The following ATP10A variants were observed in gnomAD, a reference collection of about 807,000 sequenced individuals.
ATP10A encodes the protein ATPase phospholipid transporting 10A (putative), also known as phospholipid-transporting ATPase VA.
A neutral mutation model predicts 147.8 loss-of-function variants in ATP10A; 111 were observed. The observed-to-expected ratio is 0.75, with a 90% CI of 0.64 to 0.88. The LOEUF (loss-of-function observed/expected upper bound fraction) is 0.88, where lower values mean the gene tolerates loss of function less well. ATP10A is among the 40% of genes least tolerant of loss of function. The pLI is 0.00. For missense variants in ATP10A, 1,927 were observed against 1,959.0 expected, an observed-to-expected ratio of 0.98 and a Z score of 0.31; for synonymous variants, 875 against 841.6, an observed-to-expected ratio of 1.04 and a Z score of -0.69.
intron 1 of ATP10A, among the ~76,000 whole-genome samples, chr15:25,795,274 A>G (rs1333687371): frequency 2.0e-5 from 3 of 152,060 alleles, no homozygotes; most frequent in Admixed American, 2.0e-4. Flanking sequence ...AGCCCACAGG[A>G]CACCACCGTC....
chr15:25,723,078 G>A (rs1902340015), intron 6 of ATP10A, among the ~76,000 whole-genome samples: 1 of 152,210 alleles, frequency 6.6e-6, no homozygotes, highest in Admixed American at 6.5e-5. Context: ...GCCGGGTGCA[G>A]TGGCTCATGC....
At chr15:25,770,839 A>G (rs1412159945) in intron 2 of ATP10A, among the ~76,000 whole-genome samples, 1 of 152,112 alleles carries the variant, frequency 6.6e-6, no homozygotes, top group Non-Finnish European at 1.5e-5. Context: ...GTGCCTGAGT[A>G]TGTGTGCTGA....
At chr15:25,779,691 C>A (rs1889800413) in intron 2 of ATP10A, among the ~76,000 whole-genome samples, 1 of 152,210 alleles carries the variant, frequency 6.6e-6, no homozygotes, top group Non-Finnish European at 1.5e-5. Context: ...CCTCGAGGGG[C>A]CCCTAACTCT....
Position 25,781,240 on chromosome 15 carries a change from G to A in ATP10A, c.450-17C>T. The A allele has an allele frequency of 6.2e-7, 1 of 1,600,870 alleles. No individual in the cohort carries two copies. On this transcript the variant is annotated splice_polypyrimidine_tract_variant and intron_variant, in intron 1 of 20. Transcript: ENST00000555815. ...TTTTCTTCCCTAGAAAACAGATTTT[G>A]ATTAACAAAACTCACGAGACATTGG...
chr15:25,862,512 G>A lies in ATP10A; in HGVS notation c.449+136C>T, dbSNP rs1028610137. 1.5e-4 allele frequency: 161 copies of A among 1,099,274 alleles called. 1 individual carries two copies. The East Asian group carries it at 4.0e-3, about 27-fold the overall frequency. 68.1% of individuals were successfully genotyped at this position (1,099,274 alleles called of 1,614,324 possible). A position where few individuals can be genotyped will look rare whatever the true frequency, so the allele number is the denominator to read the frequency against. On this transcript the variant is annotated intron_variant, in intron 1 of 20. Transcript: ENST00000555815. Reference sequence around the variant, plus strand: ...GGCTTCGGTCGGCACCGGGTCCCGCGCAGCCGGGCCCTCCACCCTGAGTGG... The same window carrying A: ...GGCTTCGGTCGGCACCGGGTCCCGCACAGCCGGGCCCTCCACCCTGAGTGG...
intron 1 of ATP10A, among the ~76,000 whole-genome samples, chr15:25,854,322 T>A (rs1232577854): frequency 1.3e-5 from 2 of 152,052 alleles, no homozygotes; most frequent in African/African-American, 4.8e-5. Context: ...ATCCCCAGAA[T>A]AAAACAAATT....
chr15:25,680,936 G>T, intron 18 of ATP10A, 22 bp from the exon 19 acceptor site: 1 of 1,613,454 alleles, frequency 6.2e-7, no homozygotes, highest in African/African-American at 1.3e-5. Flanking sequence ...TGGGGTCCTG[G>T]ATCTGTAGGT....
chr15:25,727,109 G>A (rs775531023), intron 4 of ATP10A, 51 bp downstream of exon 4: 74 of 1,347,128 alleles, frequency 5.5e-5, no homozygotes, highest in Non-Finnish European at 1.2e-5. Context: ...GGGAAGTGCT[G>A]GAGAACACAG....
intron 7 of ATP10A, among the ~76,000 whole-genome samples, chr15:25,720,841 G>T (rs1299058510): frequency 1.3e-5 from 2 of 152,184 alleles, no homozygotes; most frequent in Non-Finnish European, 2.9e-5. Context: ...AACAACAGAT[G>T]CTTCCCACCA....
At chr15:25,773,729 C>T (rs1889458735) in intron 2 of ATP10A, among the ~76,000 whole-genome samples, 2 of 152,114 alleles carry the variant, frequency 1.3e-5, no homozygotes, top group African/African-American at 4.8e-5. Flanking sequence ...TTCTTTGGAA[C>T]ATACACTTAC....
chr15:25,821,598 G>T (rs1481861081), intron 1 of ATP10A, among the ~76,000 whole-genome samples: 1 of 152,134 alleles, frequency 6.6e-6, no homozygotes, highest in African/African-American at 2.4e-5. Flanking sequence ...ATCCAATTTT[G>T]GAAGGGGTTT....
chr15:25,695,515 G>A (rs1470513177), intron 13 of ATP10A, among the ~76,000 whole-genome samples: 6 of 152,142 alleles, frequency 3.9e-5, no homozygotes, highest in Admixed American at 3.9e-4. Context: ...TGTAGTCCCA[G>A]CTACTCGGGA....
rs369182589 is a variant in ATP10A at position 25,832,412 on chromosome 15, G to A, written c.449+30236C>T. ...CTCATTTCAGCAAAGGCAGCTGCCT[G>A]TGAGTGTGCCGGGCAAGGCAAAGTC... On this transcript the variant is annotated intron_variant, in intron 1 of 20. Coordinates refer to ENST00000555815, the MANE Select transcript of ATP10A (RefSeq NM_024490.4). Among the ~76,000 whole-genome samples, 21 of 152,348 alleles carry A rather than the reference G, an allele frequency of 1.4e-4. No homozygotes were observed. The East Asian group carries it at 1.9e-3, about 14-fold the overall frequency.
chr15:25,775,808 C>T (rs1256264013), intron 2 of ATP10A, among the ~76,000 whole-genome samples: 2 of 152,228 alleles, frequency 1.3e-5, no homozygotes, highest in African/African-American at 4.8e-5. Flanking sequence ...CGGCTCTTCC[C>T]GACACTGACG....
chr15:25,800,871 A>G (rs1890905745), intron 1 of ATP10A, among the ~76,000 whole-genome samples: 1 of 152,124 alleles, frequency 6.6e-6, no homozygotes, highest in African/African-American at 2.4e-5. Context: ...TTACAACGAC[A>G]TCAGGAACCG....
intron 2 of ATP10A, among the ~76,000 whole-genome samples, chr15:25,740,723 C>T (rs61998564): frequency 0.22 from 33,153 of 152,178 alleles, 4,442 homozygotes; most frequent in Non-Finnish European, 0.3. Flanking sequence ...GCTTTGGTCT[C>T]GCCACCTGCT....
intron 2 of ATP10A, among the ~76,000 whole-genome samples, chr15:25,765,692 C>T (rs1888981676): frequency 6.6e-6 from 1 of 152,234 alleles, no homozygotes; most frequent in African/African-American, 2.4e-5. Flanking sequence ...TCTCCAGCCT[C>T]ACCTTAATTC....
At chr15:25,830,467 A>G (rs1208126117) in intron 1 of ATP10A, among the ~76,000 whole-genome samples, 2 of 152,162 alleles carry the variant, frequency 1.3e-5, no homozygotes, top group African/African-American at 2.4e-5. Context: ...CAAGTGAGAA[A>G]CTGACTTGGG....
Position 25,702,029 on chromosome 15 carries a change from G to A in ATP10A, c.2647C>T (p.Leu883=). 1 of 1,614,204 alleles carries A rather than the reference G, an allele frequency of 6.2e-7. No individual in the cohort carries two copies. Among genetic ancestry groups the A allele is most frequent in the Non-Finnish European group, 8.5e-7 (1 of 1,180,032 alleles). The change falls in exon 13 of 21, where the codon CTG becomes TTG. Residue 883 remains leucine (L), a synonymous_variant. Coordinates refer to ENST00000555815, the MANE Select transcript of ATP10A (RefSeq NM_024490.4). ...ETISKLRQAG[L]QIWVLTGDKQ... ...TCACCAGTGAGAACCCAAATCTGCAGGCCCGCTTGACGCAATTTAGAAATA... is the reference window on the plus strand; with the variant it reads ...TCACCAGTGAGAACCCAAATCTGCAAGCCCGCTTGACGCAATTTAGAAATA...
Sources: gnomAD v4.1 joint callset for allele counts (sites outside exome capture counted in the v4.1 genomes callset) on GRCh38, gnomAD v4.1.1 for gene constraint, MANE v1.5 for transcripts, NCBI Gene and HGNC (gene_info 2026-07-23, HGNC 2026-07-21) for gene names.